Variants in CCSER2 observed in about 807,000 individuals in gnomAD.
The protein encoded by CCSER2 is serine-rich coiled-coil domain-containing protein 2.
Under a neutral mutation model 92.3 loss-of-function variants are expected in CCSER2, and 46 were observed. The ratio of observed to expected loss-of-function variants is 0.50; its 90% CI spans 0.39 to 0.64. The LOEUF (loss-of-function observed/expected upper bound fraction) is 0.64. Ranked by LOEUF, CCSER2 falls within the 30% of genes least tolerant of loss-of-function variation. The pLI is 0.00. For synonymous variants in CCSER2, 433 were observed against 431.4 expected, an observed-to-expected ratio of 1.00 and a Z score of -0.04; for missense variants, 1,244 against 1,238.9, an observed-to-expected ratio of 1.00 and a Z score of -0.06.
At chr10:84,467,821 T>G (rs1476734234) in intron 7 of CCSER2, among the ~76,000 whole-genome samples, 1 of 152,248 alleles carries the variant, frequency 6.6e-6, no homozygotes. Flanking sequence ...TTTTCTCACA[T>G]GCAGTGAATT....
intron 1 of CCSER2, among the ~76,000 whole-genome samples, chr10:84,358,860 C>G (rs1845346008): frequency 1.3e-5 from 2 of 152,068 alleles, no homozygotes; most frequent in South Asian, 4.1e-4. Flanking sequence ...TAAATAATCG[C>G]TAACATTTTC....
At chr10:84,348,187 C>T (rs906415644) in intron 1 of CCSER2, among the ~76,000 whole-genome samples, 1 of 152,228 alleles carries the variant, frequency 6.6e-6, no homozygotes, top group Non-Finnish European at 1.5e-5. Context: ...GAAGGAGACT[C>T]CGTCTGCAAT....
In CCSER2 at chr10:84,371,906, A is replaced by G. The variant is rs761258134; in HGVS notation, c.854A>G (p.His285Arg). ...CCAGAAGTACTCAATGGGAATGAAC[A>G]TTTGGGGTATGGATTTAATAGGCCT... ...RQPEVLNGNEHLGYGFNRPYA... is the reference protein window; with the variant it reads ...RQPEVLNGNERLGYGFNRPYA... Residue 285 changes from histidine to arginine, a missense_variant, in exon 2 of 10, where the codon CAT (histidine) becomes CGT (arginine). Transcript: ENST00000372088. 9.3e-6 allele frequency: 15 copies of G among 1,613,800 alleles called. No individual in the cohort carries two copies. The highest frequency in any genetic ancestry group is 1.7e-5 in the Admixed American group (1 of 59,968).
At chr10:84,457,947 T>C (rs1206356071) in intron 6 of CCSER2, among the ~76,000 whole-genome samples, 1 of 151,736 alleles carries the variant, frequency 6.6e-6, no homozygotes, top group Non-Finnish European at 1.5e-5. Flanking sequence ...GGTTTTACCA[T>C]GTTGGCCAGG....
intron 1 of CCSER2, among the ~76,000 whole-genome samples, chr10:84,366,847 A>G (rs933394776): frequency 2.0e-5 from 3 of 152,236 alleles, no homozygotes; most frequent in Non-Finnish European, 4.4e-5. Context: ...AACTGCTGAC[A>G]GTTTGAATAG....
chr10:84,411,121 A>G (rs900129447), intron 3 of CCSER2, among the ~76,000 whole-genome samples: 4 of 152,228 alleles, frequency 2.6e-5, no homozygotes, highest in African/African-American at 7.2e-5. Context: ...CCGTTGGTCT[A>G]TGTATCTATT....
intron 5 of CCSER2, among the ~76,000 whole-genome samples, chr10:84,433,985 A>G (rs1057060149): frequency 2.0e-5 from 3 of 152,182 alleles, no homozygotes; most frequent in Non-Finnish European, 4.4e-5. Context: ...CATGGCTACT[A>G]GCATTCTAGT....
At chr10:84,463,820 T>C (rs1846239846) in intron 6 of CCSER2, 113 bp from the exon 7 acceptor site, 1 of 651,502 alleles carries the variant, frequency 1.5e-6, no homozygotes, top group Non-Finnish European at 2.7e-6. Context: ...TTCTTCACCA[T>C]GCTAGCATTT....
chr10:84,476,359 A>G (rs375687896), intron 8 of CCSER2, among the ~76,000 whole-genome samples: 38 of 149,394 alleles, frequency 2.5e-4, no homozygotes, highest in African/African-American at 8.6e-4. Context: ...ATGAGAAAGT[A>G]TATCTACCTC....
In CCSER2 at chr10:84,344,224, C is replaced by T. The variant is rs763487095; in HGVS notation, c.-40+15416C>T. Among the ~76,000 whole-genome samples the T allele has an allele frequency of 8.9e-4, 135 of 151,968 alleles. 1 individual carries two copies. Among genetic ancestry groups the T allele is most frequent in the Non-Finnish European group, 1.5e-3 (101 of 68,000 alleles). ...TAGATAGGATTTGTCTTATTTGTGC[C>T]GTCAAAGAAAAGTCCAGATTTGCAG... On this transcript the variant is annotated intron_variant, in intron 1 of 9. Transcript: ENST00000372088.
chr10:84,393,572 C>T lies in CCSER2; in HGVS notation c.1614+19757C>T, dbSNP rs183074885. ...GGTGCATGTTGGTGGCCCTCTGTGCCGTAGATGTATGCACATAGGTTGCAA... is the reference window on the plus strand; with the variant it reads ...GGTGCATGTTGGTGGCCCTCTGTGCTGTAGATGTATGCACATAGGTTGCAA... On this transcript the variant is annotated intron_variant, in intron 3 of 9. Transcript: ENST00000372088. 3.9e-5 allele frequency among the ~76,000 whole-genome samples: 6 copies of T among 152,140 alleles called. No individual in the cohort carries two copies. The East Asian group carries it at 5.8e-4, about 15-fold the overall frequency.
intron 7 of CCSER2, among the ~76,000 whole-genome samples, chr10:84,468,883 T>C (rs1192861970): frequency 3.9e-5 from 6 of 152,196 alleles, no homozygotes; most frequent in African/African-American, 1.4e-4. Flanking sequence ...GGTTAACTGC[T>C]ATGTCTGATG....
At chr10:84,404,318 G>T (rs1477713796) in intron 3 of CCSER2, among the ~76,000 whole-genome samples, 3 of 152,206 alleles carry the variant, frequency 2.0e-5, no homozygotes. Context: ...GCAGGTTGGA[G>T]TATTCTCAGC....
intron 6 of CCSER2, among the ~76,000 whole-genome samples, chr10:84,459,852 A>G (rs950739392): frequency 6.6e-6 from 1 of 151,802 alleles, no homozygotes; most frequent in African/African-American, 2.4e-5. Flanking sequence ...TATCAGGTTG[A>G]GCAAGTTCTT....
At chr10:84,478,284 G>C (rs1269996776) in intron 9 of CCSER2, among the ~76,000 whole-genome samples, 1 of 152,130 alleles carries the variant, frequency 6.6e-6, no homozygotes, top group Non-Finnish European at 1.5e-5. Context: ...TGAGTTCTCA[G>C]AACTTAGTGC....
intron 1 of CCSER2, among the ~76,000 whole-genome samples, chr10:84,330,813 T>TAA (rs140056524): frequency 6.6e-6 from 1 of 151,940 alleles, no homozygotes; most frequent in African/African-American, 2.4e-5. Context: ...CCAGTTATGT[T>TAA]AAAAAAAATC....
intron 1 of CCSER2, among the ~76,000 whole-genome samples, chr10:84,359,769 T>C (rs949152319): frequency 1.3e-5 from 2 of 152,106 alleles, no homozygotes; most frequent in African/African-American, 4.8e-5. Flanking sequence ...CCTATCTCTT[T>C]CCCTGATGAA....
intron 1 of CCSER2, among the ~76,000 whole-genome samples, chr10:84,366,325 T>C (rs1178191418): frequency 6.6e-6 from 1 of 152,204 alleles, no homozygotes; most frequent in Non-Finnish European, 1.5e-5. Flanking sequence ...TTTTTTAGTC[T>C]TTCCTTACTG....
intron 3 of CCSER2, among the ~76,000 whole-genome samples, chr10:84,375,985 G>C (rs1363251032): frequency 1.3e-5 from 2 of 151,480 alleles, no homozygotes; most frequent in Non-Finnish European, 2.9e-5. Context: ...GTAAAGATAA[G>C]GAGCTTTCAC....
Sources: gnomAD v4.1 joint callset for allele counts (sites outside exome capture counted in the v4.1 genomes callset) on GRCh38, gnomAD v4.1.1 for gene constraint, MANE v1.5 for transcripts, NCBI Gene and HGNC (gene_info 2026-07-23, HGNC 2026-07-21) for gene names.